Variants in MPHOSPH9 observed in about 807,000 individuals in gnomAD.
MPHOSPH9 encodes M-phase phosphoprotein 9.
In MPHOSPH9, 88 loss-of-function variants were observed where a neutral mutation model predicts 145.5. The ratio of observed to expected loss-of-function variants is 0.60; its 90% CI spans 0.51 to 0.72. The LOEUF (loss-of-function observed/expected upper bound fraction) is 0.72. Among genes scored for constraint, MPHOSPH9 ranks in the 30% least tolerant of loss-of-function variants. MPHOSPH9 has a pLI of 0.00. For synonymous variants in MPHOSPH9, 435 were observed against 486.2 expected, an observed-to-expected ratio of 0.89 and a Z score of 1.39; for missense variants, 1,238 against 1,386.6, an observed-to-expected ratio of 0.89 and a Z score of 1.70.
chr12:123,229,987 A>G (rs1165801732), intron 2 of MPHOSPH9: 6 of 194,312 alleles, frequency 3.1e-5, no homozygotes, highest in Middle Eastern at 2.2e-3. Flanking sequence ...ACACCTGGCT[A>G]ATTTTTGTAT....
intron 13 of MPHOSPH9, among the ~76,000 whole-genome samples, chr12:123,182,249 G>GTTTTTTTTTTTTT (rs72067812): frequency 1.5e-5 from 2 of 137,240 alleles, no homozygotes; most frequent in East Asian, 2.2e-4. Context: ...TTTTTTTTGT[G>GTTTTTTTTTTTTT]TTTTTTTTTT....
At chr12:123,188,782 A>G (rs766565652) in intron 13 of MPHOSPH9, among the ~76,000 whole-genome samples, 1 of 152,238 alleles carries the variant, frequency 6.6e-6, no homozygotes, top group Non-Finnish European at 1.5e-5. Context: ...TGGGAGGCAG[A>G]GGTTGCAGTG....
chr12:123,235,618 T>G (rs1377979082), upstream of MPHOSPH9, among the ~76,000 whole-genome samples: 2 of 150,748 alleles, frequency 1.3e-5, no homozygotes, highest in Non-Finnish European at 3.0e-5. Flanking sequence ...ATGATCCACC[T>G]GCCTCGGCCT....
At chr12:123,191,328 TAAAGAA>T (rs1379063916) in intron 13 of MPHOSPH9, among the ~76,000 whole-genome samples, 1 of 151,086 alleles carries the variant, frequency 6.6e-6, no homozygotes, top group East Asian at 2.0e-4. Context: ...TCTCCAAAAA[TAAAGAA>T]AAAGAAAAAG....
At chr12:123,211,406 C>T (rs2046710247) in intron 7 of MPHOSPH9, among the ~76,000 whole-genome samples, 1 of 152,132 alleles carries the variant, frequency 6.6e-6, no homozygotes, top group Non-Finnish European at 1.5e-5. Context: ...TAGGCATGGG[C>T]CACTGCGCCC....
At chr12:123,218,661 G>C (rs2047071946) in intron 5 of MPHOSPH9, among the ~76,000 whole-genome samples, 162 bp from the exon 6 acceptor site, 3 of 151,982 alleles carry the variant, frequency 2.0e-5, no homozygotes, top group African/African-American at 7.2e-5. Context: ...GAATAGCTGG[G>C]ATTACAGACG....
intron 11 of MPHOSPH9, 110 bp downstream of exon 11, chr12:123,202,053 TG>T: frequency 8.6e-7 from 1 of 1,160,022 alleles, no homozygotes; most frequent in Non-Finnish European, 1.2e-6. Flanking sequence ...CAAACATGAC[TG>T]TTAAAATTTC....
chr12:123,160,732 A>G lies in MPHOSPH9; in HGVS notation c.3450+49T>C, dbSNP rs377529883. 16 of 1,545,118 alleles carry G rather than the reference A, an allele frequency of 1.0e-5. No individual in the cohort carries two copies. The East Asian group carries it at 3.4e-4, about 33-fold the overall frequency. ...TAAACCCCTCTTAGATAACTGGAAC[A>G]CTGACTGGCATCAAGCCTCTAAAGC... On this transcript the variant is annotated intron_variant, in intron 23 of 23. Transcript: ENST00000606320.
In MPHOSPH9 at chr12:123,227,513, C is replaced by G; in HGVS notation, c.208G>C (p.Glu70Gln). Residue 70 changes from glutamate to glutamine, a missense_variant, in exon 3 of 24, where the codon GAG becomes CAG. Around this residue, in one of 3 missense-constraint regions of MPHOSPH9, gnomAD observed 837 missense variants for 897.5 expected, o/e 0.93. Transcript: ENST00000606320. The part of the protein sequence containing the change: ...TVEVLTSLMQ[E>Q]LQNSGKTDSE... Reference sequence around the variant, plus strand: ...TCAGTCTTTCCACTGTTTTGTAGCTCTTGCATTAAAGAAGTTAGGACTTCA... The same window carrying G: ...TCAGTCTTTCCACTGTTTTGTAGCTGTTGCATTAAAGAAGTTAGGACTTCA... The G allele has an allele frequency of 6.5e-7, 1 of 1,530,058 alleles. No individual in the cohort carries two copies. The highest frequency in any genetic ancestry group is 8.7e-7 in the Non-Finnish European group (1 of 1,143,202). The allele number at this position is 1,530,058 out of a possible 1,614,324, so 94.8% of individuals were successfully genotyped here. A position where few individuals can be genotyped will look rare whatever the true frequency, so the allele number is the denominator to read the frequency against.
chr12:123,185,837 T>C (rs1436478065), intron 13 of MPHOSPH9, among the ~76,000 whole-genome samples: 1 of 152,162 alleles, frequency 6.6e-6, no homozygotes, highest in East Asian at 1.9e-4. Flanking sequence ...GGATATTATT[T>C]AGACAACTGG....
At chr12:123,168,579 T>C (rs1028602562) in intron 16 of MPHOSPH9, among the ~76,000 whole-genome samples, 9 of 151,900 alleles carry the variant, frequency 5.9e-5, no homozygotes, top group Non-Finnish European at 1.3e-4. Context: ...CCTGACCTCA[T>C]GATCCGCCCA....
upstream of MPHOSPH9, among the ~76,000 whole-genome samples, chr12:123,236,810 C>T (rs1041628547): frequency 6.6e-6 from 1 of 151,776 alleles, no homozygotes; most frequent in Admixed American, 6.6e-5. Flanking sequence ...AATATGGGGC[C>T]GGGCGCGGTG....
chr12:123,199,772 G>A (rs1473422625), intron 11 of MPHOSPH9, among the ~76,000 whole-genome samples: 11 of 145,248 alleles, frequency 7.6e-5, no homozygotes, highest in African/African-American at 1.8e-4. Context: ...CAGCCTAGGC[G>A]ACAGAGACTC....
At chr12:123,233,758 G>T (rs1351548805), upstream of MPHOSPH9, 2 of 152,388 alleles carry the variant, frequency 1.3e-5, no homozygotes, top group Non-Finnish European at 2.9e-5. Flanking sequence ...GGTCGGCCCT[G>T]GGGCTGTTCA....
chr12:123,243,048 T>TAA (rs1347717693), intron 1 of MPHOSPH9, among the ~76,000 whole-genome samples: 2 of 152,226 alleles, frequency 1.3e-5, no homozygotes, highest in East Asian at 3.8e-4. Context: ...AGGTGATTCT[T>TAA]AGAGAGAGTT....
At chr12:123,216,552 CAT>C (rs1290771352) in intron 6 of MPHOSPH9, among the ~76,000 whole-genome samples, 7 of 152,168 alleles carry the variant, frequency 4.6e-5, no homozygotes, top group African/African-American at 1.4e-4. Flanking sequence ...GCTATACAGG[CAT>C]ATTAAAAATT....
At chr12:123,168,065 G>A (rs965630701) in intron 16 of MPHOSPH9, among the ~76,000 whole-genome samples, 5 of 152,216 alleles carry the variant, frequency 3.3e-5, no homozygotes, top group Non-Finnish European at 5.9e-5. Flanking sequence ...CGTGACCTAC[G>A]ATCCTTGGCC....
chr12:123,162,796 A>C, intron 20 of MPHOSPH9: 1 of 437,516 alleles, frequency 2.3e-6, no homozygotes, highest in Non-Finnish European at 3.9e-6. Context: ...CTGAGGTGAT[A>C]ATTTAAAATC....
At chr12:123,200,805 C>T (rs377590607) in intron 11 of MPHOSPH9, among the ~76,000 whole-genome samples, 4 of 151,878 alleles carry the variant, frequency 2.6e-5, no homozygotes, top group South Asian at 4.2e-4. Context: ...ACTACAGGTG[C>T]GCACCACCAC....
Sources: allele counts gnomAD v4.1 joint callset (sites outside exome capture counted in the v4.1 genomes callset), GRCh38; gene constraint gnomAD v4.1.1; regional missense constraint gnomAD v4.1.1; transcripts MANE v1.5; gene names NCBI Gene and HGNC (gene_info 2026-07-23, HGNC 2026-07-21).